Variants in LTBP1 observed in about 807,000 individuals in gnomAD.
LTBP1 encodes the protein latent transforming growth factor beta binding protein 1, also known as latent-transforming growth factor beta-binding protein 1.
LTBP1 carries 129 observed loss-of-function variants against 207.6 expected under a neutral mutation model. The ratio of observed to expected loss-of-function variants is 0.62; its 90% CI spans 0.54 to 0.72. The LOEUF is 0.72. Among genes scored for constraint, LTBP1 ranks in the 30% least tolerant of loss-of-function variants. The probability of loss-of-function intolerance (pLI) is 0.00; values close to 1 mark genes in which losing one functional copy is unlikely to be tolerated. For missense variants in LTBP1, 2,281 were observed against 2,217.2 expected (o/e 1.03, Z -0.58); for synonymous variants, 963 against 833.7 (o/e 1.16, Z -2.67).
At position 33,236,652 on chromosome 2, in the gene LTBP1, C is replaced by T. The variant is rs1273089849; in HGVS notation, c.1877-7010C>T. Among the ~76,000 whole-genome samples the T allele has an allele frequency of 3.9e-5, 6 of 152,064 alleles. No individual in the cohort carries two copies. In the East Asian group the frequency reaches 1.2e-3, roughly 29 times the overall value. ...TTGTATTTTTCAATAGCTCTTTGAC[C>T]TTAATCTCTGTGGCTATAAAATGAA... On this transcript the variant is annotated intron_variant, in intron 9 of 33. Transcript: ENST00000404816.
chr2:32,998,757 T>A (rs1199455285), intron 2 of LTBP1, among the ~76,000 whole-genome samples: 1 of 152,082 alleles, frequency 6.6e-6, no homozygotes, highest in Non-Finnish European at 1.5e-5. Flanking sequence ...CACTCTGTTC[T>A]CTCCCATGTG....
intron 10 of LTBP1, among the ~76,000 whole-genome samples, chr2:33,248,339 G>A (rs2092575035): frequency 6.6e-6 from 1 of 152,190 alleles, no homozygotes; most frequent in Non-Finnish European, 1.5e-5. Flanking sequence ...TTAAGGCATA[G>A]AGGGGTTAGG....
rs1311659337 is a variant in LTBP1 at position 33,182,723 on chromosome 2, C to T, written c.1202-4133C>T. ...ATACACACACACACACACACACACA[C>T]ACACACACACACAGACATATATATG... is the stretch of plus-strand genomic sequence containing the variant. On this transcript the variant is annotated intron_variant, in intron 5 of 33. Coordinates refer to ENST00000404816, the MANE Select transcript of LTBP1 (RefSeq NM_206943.4). Among the ~76,000 whole-genome samples, 60 of 90,950 alleles carry T rather than the reference C, an allele frequency of 6.6e-4. 8 individuals carry two copies. Among genetic ancestry groups the T allele is most frequent in the African/African-American group, 2.5e-3 (54 of 21,438 alleles). The allele number at this position is 90,950 out of a possible 152,430, so 59.7% of individuals were successfully genotyped here.
intron 7 of LTBP1, among the ~76,000 whole-genome samples, chr2:33,212,056 GT>G (rs2090350791): frequency 6.6e-6 from 1 of 152,108 alleles, no homozygotes; most frequent in African/African-American, 2.4e-5. Flanking sequence ...AAAATTAAAG[GT>G]TTTTTTCACT....
intron 20 of LTBP1, among the ~76,000 whole-genome samples, chr2:33,299,015 C>T (rs2093933774): frequency 6.6e-6 from 1 of 152,090 alleles, no homozygotes; most frequent in South Asian, 2.1e-4. Context: ...GTGGCTAACG[C>T]CTGTAATCCT....
At chr2:33,152,111 A>C (rs2083586459) in intron 5 of LTBP1, among the ~76,000 whole-genome samples, 1 of 152,234 alleles carries the variant, frequency 6.6e-6, no homozygotes, top group South Asian at 2.1e-4. Flanking sequence ...CAAAAGGAAC[A>C]GTCAGCAGAG....
intron 3 of LTBP1, among the ~76,000 whole-genome samples, chr2:33,077,669 T>C (rs910063891): frequency 6.6e-6 from 1 of 152,178 alleles, no homozygotes; most frequent in Non-Finnish European, 1.5e-5. Context: ...ACCTCCAATA[T>C]TGGGGATTAT....
rs576411883 is a variant in LTBP1 at position 33,155,005 on chromosome 2, G to A, written c.1201+20045G>A. Among the ~76,000 whole-genome samples the A allele has an allele frequency of 2.6e-5, 4 of 152,280 alleles. No individual in the cohort carries two copies. In the East Asian group the frequency reaches 7.7e-4, roughly 29 times the overall value. On this transcript the variant is annotated intron_variant, in intron 5 of 33. Transcript: ENST00000404816. ...TTGAACCTGGGAGGTGGAGGACGCA[G>A]TGAGCCGAGATCATGCCATTGCATT...
At chr2:33,017,438 TG>T (rs1188252110) in intron 2 of LTBP1, among the ~76,000 whole-genome samples, 1 of 152,166 alleles carries the variant, frequency 6.6e-6, no homozygotes, top group Non-Finnish European at 1.5e-5. Context: ...TTAGCAGGCT[TG>T]GGGTAGCCCA....
intron 5 of LTBP1, among the ~76,000 whole-genome samples, chr2:33,181,000 C>T (rs960343697): frequency 6.6e-6 from 1 of 152,068 alleles, no homozygotes; most frequent in Non-Finnish European, 1.5e-5. Flanking sequence ...ATGTGTGTGT[C>T]TGTTCTGCAA....
chr2:33,028,002 A>C (rs2075510286), intron 3 of LTBP1, among the ~76,000 whole-genome samples: 1 of 152,196 alleles, frequency 6.6e-6, no homozygotes, highest in South Asian at 2.1e-4. Context: ...TTGTTTGAGA[A>C]AAACAGACAC....
chr2:33,313,795 T>C (rs2094221429), intron 23 of LTBP1, among the ~76,000 whole-genome samples: 1 of 152,162 alleles, frequency 6.6e-6, no homozygotes, highest in South Asian at 2.1e-4. Flanking sequence ...ATGTACCCAA[T>C]AGGAGTCAGG....
intron 26 of LTBP1, among the ~76,000 whole-genome samples, chr2:33,359,250 A>G (rs146440042): frequency 2.0e-5 from 3 of 152,240 alleles, no homozygotes; most frequent in African/African-American, 7.2e-5. Flanking sequence ...TATATTTCAG[A>G]GGTTTGTTTG....
intron 13 of LTBP1, 104 bp from the exon 14 acceptor site, chr2:33,262,618 A>G (rs1003552415): frequency 2.0e-6 from 1 of 505,436 alleles, no homozygotes; most frequent in East Asian, 3.0e-5. Context: ...CTTTCTAAGA[A>G]TATAATTAAT....
In LTBP1 at chr2:33,021,190, C is replaced by T; in HGVS notation, c.847C>T (p.Gln283Ter). The T allele has an allele frequency of 6.3e-7, 1 of 1,597,880 alleles. No homozygotes were observed. Among genetic ancestry groups the T allele is most frequent in the Non-Finnish European group, 8.6e-7 (1 of 1,169,036 alleles). ...GCCGAAGCCTTCAGTGGGACTCCCCCAGCAGATACATTCTCAGTGAGTGTT... is the reference window on the plus strand; with the variant it reads ...GCCGAAGCCTTCAGTGGGACTCCCCTAGCAGATACATTCTCAGTGAGTGTT... ...LKPKPSVGLPQQIHSQVTPLS... is the reference protein window; with the variant it reads ...LKPKPSVGLP Residue 283 changes from glutamine to a stop codon, truncating the protein, a stop_gained, in exon 3 of 34, where the codon CAG (glutamine) becomes TAG (stop). Coordinates refer to ENST00000404816, the MANE Select transcript of LTBP1 (RefSeq NM_206943.4). LOFTEE classifies it high-confidence loss of function.
At chr2:33,229,357 C>A (rs1004490888) in intron 9 of LTBP1, among the ~76,000 whole-genome samples, 6 of 151,964 alleles carry the variant, frequency 3.9e-5, no homozygotes, top group Non-Finnish European at 8.8e-5. Flanking sequence ...TGCCTGTAAT[C>A]CCAGCTACTG....
chr2:33,365,938 G>A (rs1349921134), intron 31 of LTBP1, among the ~76,000 whole-genome samples: 2 of 152,166 alleles, frequency 1.3e-5, no homozygotes, highest in Non-Finnish European at 2.9e-5. Context: ...TCTGTATGTG[G>A]AGATATAAGA....
chr2:33,358,160 C>A (rs2149989712), intron 26 of LTBP1, among the ~76,000 whole-genome samples: 1 of 152,108 alleles, frequency 6.6e-6, no homozygotes, highest in Middle Eastern at 3.4e-3. Context: ...CTTGACTAAC[C>A]CTCAGTTTCA....
chr2:33,370,706 C>T (rs1172507141), intron 31 of LTBP1, among the ~76,000 whole-genome samples: 2 of 152,204 alleles, frequency 1.3e-5, no homozygotes, highest in African/African-American at 4.8e-5. Flanking sequence ...AGAAGGACCA[C>T]GTTGTCTATC....
Sources: gnomAD v4.1 joint callset for allele counts (sites outside exome capture counted in the v4.1 genomes callset) on GRCh38, gnomAD v4.1.1 for gene constraint, MANE v1.5 for transcripts, NCBI Gene and HGNC (gene_info 2026-07-23, HGNC 2026-07-21) for gene names.